RAB3C: variants seen among roughly 807,000 people sequenced by gnomAD.
The protein encoded by RAB3C is RAB3C, member RAS oncogene family.
In RAB3C, 17 loss-of-function variants were observed where a neutral mutation model predicts 26.4. The ratio of observed to expected loss-of-function variants is 0.64; its 90% CI spans 0.44 to 0.97. The LOEUF is 0.97. Ranked by LOEUF, RAB3C falls within the 50% of genes least tolerant of loss-of-function variation. The pLI, the probability that RAB3C is intolerant of heterozygous loss-of-function variation, is 0.00. For missense variants in RAB3C, 242 were observed against 281.9 expected, an observed-to-expected ratio of 0.86 and a Z score of 1.01; for synonymous variants, 91 against 95.9, an observed-to-expected ratio of 0.95 and a Z score of 0.30.
intron 2 of RAB3C, among the ~76,000 whole-genome samples, chr5:58,640,312 T>C (rs1047490827): frequency 1.3e-5 from 2 of 152,188 alleles, no homozygotes; most frequent in Non-Finnish European, 2.9e-5. Context: ...GGAAAATGAA[T>C]GTCAGGAATG....
intron 3 of RAB3C, among the ~76,000 whole-genome samples, chr5:58,824,528 C>A (rs112342789): frequency 3.3e-5 from 5 of 152,294 alleles, no homozygotes; most frequent in African/African-American, 1.2e-4. Context: ...ATTATTACTT[C>A]TCCCAGATTT....
intron 2 of RAB3C, among the ~76,000 whole-genome samples, chr5:58,623,985 T>C (rs1746996456): frequency 6.6e-6 from 1 of 152,214 alleles, no homozygotes; most frequent in Admixed American, 6.5e-5. Context: ...GTATTTGCTA[T>C]GGTAAATTAT....
chr5:58,596,803 T>C (rs1419285471), intron 1 of RAB3C, among the ~76,000 whole-genome samples: 7 of 99,928 alleles, frequency 7.0e-5, no homozygotes, highest in Non-Finnish European at 1.2e-4. Context: ...TATAAATTTA[T>C]AATATATAAT....
rs975190911 is a variant in RAB3C at position 58,856,241 on chromosome 5, A to C, written c.*4890A>C. ...CTGATTTCGTTTGATTAGTCTGTGC[A>C]TGTAATTAATTTCCTCCAAACAGAG... On this transcript the variant is annotated 3_prime_UTR_variant, in exon 5 of 5. Transcript: ENST00000282878. 2 of 151,870 alleles carry C rather than the reference A, an allele frequency of 1.3e-5. No individual in the cohort carries two copies. Among genetic ancestry groups the C allele is most frequent in the Non-Finnish European group, 2.9e-5 (2 of 67,994 alleles). 9.4% of individuals were successfully genotyped at this position (151,870 alleles called of 1,614,324 possible).
chr5:58,647,086 A>G (rs1396427293), intron 2 of RAB3C, among the ~76,000 whole-genome samples: 1 of 152,178 alleles, frequency 6.6e-6, no homozygotes, highest in Non-Finnish European at 1.5e-5. Flanking sequence ...CTCTGTTTTG[A>G]AAAGCTACTG....
chr5:58,623,735 G>T (rs1468032065), intron 2 of RAB3C, among the ~76,000 whole-genome samples: 5 of 152,198 alleles, frequency 3.3e-5, no homozygotes, highest in African/African-American at 1.2e-4. Context: ...CTTACCAACT[G>T]CATGGGAAGA....
intron 3 of RAB3C, among the ~76,000 whole-genome samples, chr5:58,733,641 A>C (rs1741072712): frequency 6.6e-6 from 1 of 152,194 alleles, no homozygotes; most frequent in Non-Finnish European, 1.5e-5. Flanking sequence ...AAATTAACGA[A>C]TGATTTGTTA....
chr5:58,801,544 A>T (rs1473056984), intron 3 of RAB3C, among the ~76,000 whole-genome samples: 1 of 152,244 alleles, frequency 6.6e-6, no homozygotes, highest in Non-Finnish European at 1.5e-5. Context: ...GAAGTTCTTT[A>T]TCATTGGACT....
intron 4 of RAB3C, among the ~76,000 whole-genome samples, chr5:58,830,928 A>C (rs766371149): frequency 1.3e-5 from 2 of 151,962 alleles, no homozygotes; most frequent in Non-Finnish European, 2.9e-5. Flanking sequence ...GCTGGAGTGC[A>C]ATAGTAGCAT....
chr5:58,837,702 G>T (rs918704381), intron 4 of RAB3C, among the ~76,000 whole-genome samples: 3 of 150,262 alleles, frequency 2.0e-5, no homozygotes, highest in African/African-American at 7.3e-5. Flanking sequence ...GGAAGTACAG[G>T]TGCCCACCAC....
At position 58,650,926 on chromosome 5, in the gene RAB3C, C is replaced by A. The variant is rs562421716; in HGVS notation, c.252+33056C>A. On this transcript the variant is annotated intron_variant, in intron 2 of 4. Coordinates refer to ENST00000282878, the MANE Select transcript of RAB3C (RefSeq NM_138453.4). The stretch of plus-strand genomic sequence containing the variant: ...AACTAGGACCTGAAATAGAAAACAG[C>A]TTTGAATGTTTTTATCAAGCAGGAT... 1.1e-4 allele frequency among the ~76,000 whole-genome samples: 17 copies of A among 152,184 alleles called. No homozygotes were observed. In the South Asian group the frequency reaches 3.3e-3, roughly 30 times the overall value.
chr5:58,756,387 C>CATATAT (rs71604764), intron 3 of RAB3C, among the ~76,000 whole-genome samples: 19,951 of 131,740 alleles, frequency 0.15, 1,476 homozygotes, highest in South Asian at 0.25. Context: ...TACTATATAA[C>CATATAT]ATATATATAT....
chr5:58,744,557 GC>G (rs1741352844), intron 3 of RAB3C, among the ~76,000 whole-genome samples: 1 of 152,198 alleles, frequency 6.6e-6, no homozygotes, highest in African/African-American at 2.4e-5. Context: ...GTGCATATGT[GC>G]CCCACTGCTG....
At chr5:58,687,990 TATG>T (rs1224842308) in intron 2 of RAB3C, among the ~76,000 whole-genome samples, 3 of 152,166 alleles carry the variant, frequency 2.0e-5, no homozygotes, top group East Asian at 3.8e-4. Flanking sequence ...ACTAGATGAA[TATG>T]ATATTTCCAA....
At chr5:58,588,877 C>T (rs529585125) in intron 1 of RAB3C, among the ~76,000 whole-genome samples, 2 of 152,150 alleles carry the variant, frequency 1.3e-5, no homozygotes, top group South Asian at 2.1e-4. Context: ...TTATTTCTTC[C>T]TTCCCAAAGA....
At chr5:58,785,396 C>T (rs960571547) in intron 3 of RAB3C, among the ~76,000 whole-genome samples, 3 of 152,318 alleles carry the variant, frequency 2.0e-5, no homozygotes, top group Admixed American at 1.3e-4. Flanking sequence ...ATTATTTAAC[C>T]TCTCTGAGCC....
intron 1 of RAB3C, among the ~76,000 whole-genome samples, chr5:58,607,015 G>C (rs939477975): frequency 6.6e-6 from 1 of 152,188 alleles, no homozygotes; most frequent in Non-Finnish European, 1.5e-5. Context: ...TCCTCCAAAA[G>C]ATCGCAGCTC....
In RAB3C at chr5:58,715,547, G is replaced by A. The variant is rs138801946; in HGVS notation, c.253-10455G>A. ...GTTGTGATTAAAGATTTTAAGTGCC[G>A]GTGACACAGTAGATTTTGGAGAATT... is the stretch of plus-strand genomic sequence containing the variant. On this transcript the variant is annotated intron_variant, in intron 2 of 4. Transcript: ENST00000282878. 2.6e-4 allele frequency among the ~76,000 whole-genome samples: 39 copies of A among 152,054 alleles called. No individual in the cohort carries two copies. The East Asian group carries it at 7.2e-3, about 28-fold the overall frequency.
intron 3 of RAB3C, among the ~76,000 whole-genome samples, chr5:58,797,608 T>C (rs896282094): frequency 6.6e-6 from 1 of 151,862 alleles, no homozygotes; most frequent in Non-Finnish European, 1.5e-5. Flanking sequence ...TGTCTGGACC[T>C]TGTGAGCCTA....
Sources: gnomAD v4.1 joint callset for allele counts (sites outside exome capture counted in the v4.1 genomes callset) on GRCh38, gnomAD v4.1.1 for gene constraint, MANE v1.5 for transcripts, NCBI Gene and HGNC (gene_info 2026-07-23, HGNC 2026-07-21) for gene names.